Variants in SYT14 observed in about 807,000 individuals in gnomAD.
The protein encoded by SYT14 is synaptotagmin 14, also known as synaptotagmin-14.
A neutral mutation model predicts 74.2 loss-of-function variants in SYT14; 32 were observed. The observed-to-expected ratio is 0.43, with a 90% CI of 0.33 to 0.58. SYT14 has a LOEUF of 0.58. SYT14 is among the 20% of genes least tolerant of loss of function. The pLI is 0.05. For synonymous variants in SYT14, 298 were observed against 337.7 expected, an observed-to-expected ratio of 0.88 and a Z score of 1.29; for missense variants, 791 against 981.8, an observed-to-expected ratio of 0.81 and a Z score of 2.60.
chr1:210,057,403 C>T (rs1231551209), intron 5 of SYT14, among the ~76,000 whole-genome samples: 4 of 152,158 alleles, frequency 2.6e-5, no homozygotes, highest in African/African-American at 9.7e-5. Flanking sequence ...TTAAGGCCAA[C>T]TCCTGCCATG....
chr1:210,012,708 CTT>C (rs879303507), intron 2 of SYT14, among the ~76,000 whole-genome samples: 5 of 143,640 alleles, frequency 3.5e-5, no homozygotes, highest in Admixed American at 6.9e-5. Context: ...TTCTTTCTTT[CTT>C]TTTTTTTTTT....
chr1:209,990,751 C>A, intron 2 of SYT14, among the ~76,000 whole-genome samples: 1 of 98,908 alleles, frequency 1.0e-5, no homozygotes. Flanking sequence ...ATATATATAC[C>A]CATAAAAAAT....
At chr1:210,117,985 A>G (rs1338782515) in intron 7 of SYT14, among the ~76,000 whole-genome samples, 1 of 152,212 alleles carries the variant, frequency 6.6e-6, no homozygotes, top group Non-Finnish European at 1.5e-5. Context: ...AGTGTGTATT[A>G]TGTTTTTCAA....
intron 7 of SYT14, among the ~76,000 whole-genome samples, chr1:210,128,731 A>G (rs1165982366): frequency 2.0e-5 from 3 of 152,204 alleles, no homozygotes; most frequent in Non-Finnish European, 4.4e-5. Context: ...CGGGGACTCA[A>G]CACTAGATCC....
chr1:210,139,449 G>C (rs1315039530), intron 7 of SYT14, among the ~76,000 whole-genome samples: 1 of 151,712 alleles, frequency 6.6e-6, no homozygotes, highest in East Asian at 1.9e-4. Context: ...TTCTAAGATT[G>C]TATTATTCTG....
chr1:210,069,802 T>C (rs1020952438), intron 5 of SYT14, among the ~76,000 whole-genome samples: 2 of 152,026 alleles, frequency 1.3e-5, no homozygotes, highest in African/African-American at 4.8e-5. Flanking sequence ...ATGCTTTTTT[T>C]TCTCTCTGTT....
intron 7 of SYT14, among the ~76,000 whole-genome samples, chr1:210,111,474 TAAAAC>T (rs1275265273): frequency 1.3e-5 from 2 of 151,198 alleles, no homozygotes; most frequent in East Asian, 1.9e-4. Flanking sequence ...ATAAGAAAAA[TAAAAC>T]AAAATACTGT....
chr1:210,020,316 A>G (rs1018544266), intron 4 of SYT14, among the ~76,000 whole-genome samples: 6 of 152,190 alleles, frequency 3.9e-5, no homozygotes, highest in African/African-American at 1.2e-4. Context: ...CTCTTTTGCC[A>G]TTAAATACAG....
intron 7 of SYT14, among the ~76,000 whole-genome samples, chr1:210,109,643 AAT>A (rs1411076107): frequency 2.6e-5 from 4 of 152,126 alleles, no homozygotes; most frequent in African/African-American, 9.7e-5. Flanking sequence ...ATGCTAGAGA[AAT>A]AAGAATGCTT....
intron 7 of SYT14, among the ~76,000 whole-genome samples, chr1:210,134,055 G>T (rs904004957): frequency 2.0e-5 from 3 of 151,152 alleles, no homozygotes; most frequent in Non-Finnish European, 1.5e-5. Flanking sequence ...AGGTTTTGTT[G>T]TTGTTGATTT....
At chr1:210,034,585 C>T (rs1029995845) in intron 5 of SYT14, among the ~76,000 whole-genome samples, 10 of 151,558 alleles carry the variant, frequency 6.6e-5, no homozygotes, top group South Asian at 2.1e-4. Context: ...ATCCCTCACC[C>T]ACCCACTTTC....
chr1:210,119,546 CAGAA>C (rs1429446765), intron 7 of SYT14, among the ~76,000 whole-genome samples: 2 of 152,026 alleles, frequency 1.3e-5, no homozygotes, highest in Non-Finnish European at 2.9e-5. Context: ...TATAATGAGT[CAGAA>C]AGATATCTAT....
At chr1:210,121,898 G>A (rs769904956) in intron 7 of SYT14, among the ~76,000 whole-genome samples, 27 of 151,676 alleles carry the variant, frequency 1.8e-4, no homozygotes, top group African/African-American at 3.1e-4. Context: ...TCAGGCATGC[G>A]TAGTAACTCA....
At chr1:210,054,311 A>G (rs936630730) in intron 5 of SYT14, among the ~76,000 whole-genome samples, 14 of 152,134 alleles carry the variant, frequency 9.2e-5, no homozygotes, top group Non-Finnish European at 2.9e-5. Context: ...TTCATTTGAT[A>G]TTGAAAAGCC....
chr1:209,993,342 G>A (rs1304094331), intron 2 of SYT14, among the ~76,000 whole-genome samples: 2 of 152,176 alleles, frequency 1.3e-5, no homozygotes, highest in African/African-American at 4.8e-5. Context: ...AGCATCTGCA[G>A]CCTAGCCTGA....
At chr1:210,021,311 T>A in intron 5 of SYT14, 57 bp downstream of exon 4, 7 of 1,474,710 alleles carry the variant, frequency 4.7e-6, no homozygotes, top group Non-Finnish European at 6.6e-6. Flanking sequence ...TGATTACTTG[T>A]GCCTGAAATT....
At chr1:210,162,656 A>G (rs2102733544) in exon 10 of SYT14, 1 of 443,174 alleles carries the variant, frequency 2.3e-6, no homozygotes, top group African/African-American at 2.0e-5. Flanking sequence ...ATATTATTGT[A>G]AACTAGAACT....
intron 1 of SYT14, among the ~76,000 whole-genome samples, chr1:209,942,563 T>G (rs889941584): frequency 6.6e-6 from 1 of 152,186 alleles, no homozygotes; most frequent in African/African-American, 2.4e-5. Flanking sequence ...CCCTTATCGC[T>G]CATTAAGAGA....
At chr1:209,969,208 T>A (rs1268577667) in intron 2 of SYT14, among the ~76,000 whole-genome samples, 1 of 152,124 alleles carries the variant, frequency 6.6e-6, no homozygotes, top group Non-Finnish European at 1.5e-5. Flanking sequence ...GGTGAACATA[T>A]GTGTGCATAT....
Sources: gnomAD v4.1 joint callset for allele counts (sites outside exome capture counted in the v4.1 genomes callset) on GRCh38, gnomAD v4.1.1 for gene constraint, MANE v1.5 for transcripts, NCBI Gene and HGNC (gene_info 2026-07-23, HGNC 2026-07-21) for gene names.